ANXA2: variants seen among roughly 807,000 people sequenced by gnomAD.
ANXA2 encodes annexin II.
Under a neutral mutation model 47.3 loss-of-function variants are expected in ANXA2, and 28 were observed. That is an observed-to-expected ratio of 0.59 (90% CI 0.44 to 0.81). ANXA2 has a LOEUF of 0.81. Among genes scored for constraint, ANXA2 ranks in the 40% least tolerant of loss-of-function variants. ANXA2 has a pLI of 0.00. For missense variants in ANXA2, 384 were observed against 414.3 expected (o/e 0.93, Z 0.64); for synonymous variants, 172 against 155.5 (o/e 1.11, Z -0.79).
At chr15:60,364,887 C>G (rs111432331) in intron 3 of ANXA2, among the ~76,000 whole-genome samples, 2,150 of 151,336 alleles carry the variant, frequency 0.014, 54 homozygotes, top group African/African-American at 0.05. Context: ...TGAAGGTCCC[C>G]AAATTGCCAT....
chr15:60,363,095 T>G (rs1434333472), intron 4 of ANXA2: 2 of 140,492 alleles, frequency 1.4e-5, no homozygotes, highest in Non-Finnish European at 3.1e-5. Context: ...CACACCCAAA[T>G]GTATTCCAAG....
chr15:60,373,307 AG>A (rs1439181233), intron 3 of ANXA2, among the ~76,000 whole-genome samples: 1 of 152,252 alleles, frequency 6.6e-6, no homozygotes, highest in Non-Finnish European at 1.5e-5. Context: ...TTTCTTCAGC[AG>A]AAAGAGCTAG....
intron 1 of ANXA2, chr15:60,387,066 A>G (rs2062942901): frequency 6.6e-6 from 1 of 152,194 alleles, no homozygotes; most frequent in Non-Finnish European, 1.5e-5. Context: ...TAGTCTAAAT[A>G]TTTTCATAAA....
intron 4 of ANXA2, among the ~76,000 whole-genome samples, chr15:60,363,975 G>C (rs929513888): frequency 2.6e-5 from 4 of 152,178 alleles, no homozygotes; most frequent in Non-Finnish European, 5.9e-5. Context: ...GCCTGTTGTT[G>C]TTATTGTTGT....
At chr15:60,385,946 G>C in intron 2 of ANXA2, 82 bp downstream of exon 2, 1 of 895,490 alleles carries the variant, frequency 1.1e-6, no homozygotes, top group Admixed American at 2.4e-5. Context: ...TTCCTTAGAT[G>C]TACAAGGATA....
At chr15:60,374,682 C>G in intron 3 of ANXA2, 1 of 456,074 alleles carries the variant, frequency 2.2e-6, no homozygotes, top group Non-Finnish European at 4.4e-6. Context: ...AGGTCTGGCA[C>G]CTACATAGAT....
At position 60,356,127 on chromosome 15, in the gene ANXA2, T is replaced by C. The variant is rs566061447; in HGVS notation, c.449-129A>G. On this transcript the variant is annotated intron_variant, in intron 6 of 12. Transcript: ENST00000451270. ...CGTCAGCTGGACATATCCATTCTCC[T>C]TAACCCCAAACAGAGGAAGGATTCA... The C allele has an allele frequency of 7.1e-3, 4,801 of 673,334 alleles. 21 individuals are homozygous for C. Among genetic ancestry groups the C allele is most frequent in the Non-Finnish European group, 0.01 (3,844 of 380,792 alleles). 41.7% of individuals were successfully genotyped at this position (673,334 alleles called of 1,614,324 possible).
intron 12 of ANXA2, among the ~76,000 whole-genome samples, chr15:60,347,961 A>G (rs1189074040): frequency 6.6e-6 from 1 of 152,202 alleles, no homozygotes; most frequent in African/African-American, 2.4e-5. Flanking sequence ...CTGAGGATTG[A>G]CATAGGTTAG....
At chr15:60,351,645 T>C in intron 10 of ANXA2, 79 bp downstream of exon 10, 1 of 917,104 alleles carries the variant, frequency 1.1e-6, no homozygotes, top group Admixed American at 1.8e-5. Flanking sequence ...CCAAACACAT[T>C]TGGATTAACA....
chr15:60,352,206 T>A lies in ANXA2; in HGVS notation c.682+177A>T, dbSNP rs2062360440. 6.6e-6 allele frequency among the ~76,000 whole-genome samples: 1 copy of A among 152,120 alleles called. No homozygotes were observed. Among genetic ancestry groups the A allele is most frequent in the Non-Finnish European group, 1.5e-5 (1 of 68,022 alleles). ...ATAAAGCACCAAATGCAGAAACTAT[T>A]TGCAAGAGAAAAGAATCCAGAATGG... On this transcript the variant is annotated intron_variant, in intron 9 of 12. Transcript: ENST00000451270. This position sits in a 1 kb window ranked among gnomAD's most constrained non-coding sequence, Gnocchi z 4.2.
In ANXA2 at chr15:60,352,060, CCT is replaced by C. The variant is rs1367061762; in HGVS notation, c.683-243_683-242del. Among the ~76,000 whole-genome samples the C allele has an allele frequency of 2.6e-5, 4 of 152,268 alleles. No homozygotes were observed. The highest frequency in any genetic ancestry group is 4.1e-4 in the South Asian group (2 of 4,822). On this transcript the variant is annotated intron_variant, in intron 9 of 12. Transcript: ENST00000451270. The surrounding 1 kb of genome is among the most constrained non-coding windows in gnomAD (Gnocchi z 4.2). Reference sequence around the variant, plus strand: ...ACATATTTGGACCATCTCTATCTCCCCTGAGTGGAACCCATTCCATCCGAAAA... The same window carrying C: ...ACATATTTGGACCATCTCTATCTCCCGAGTGGAACCCATTCCATCCGAAAA...
At chr15:60,357,514 C>T (rs574379065) in intron 5 of ANXA2, among the ~76,000 whole-genome samples, 176 of 152,140 alleles carry the variant, frequency 1.2e-3, no homozygotes, top group Middle Eastern at 3.4e-3. Flanking sequence ...TGAATAGGGG[C>T]TGGGCACAGT....
At chr15:60,355,474 A>G (rs2062413165) in intron 7 of ANXA2, 1 of 275,240 alleles carries the variant, frequency 3.6e-6, no homozygotes, top group Non-Finnish European at 7.1e-6. Flanking sequence ...TAATGTGTTA[A>G]TATTAGCAAT....
chr15:60,397,834 CG>C, intron 1 of ANXA2, 108 bp downstream of exon 1: 1 of 1,380,184 alleles, frequency 7.2e-7, no homozygotes, highest in South Asian at 1.7e-5. Context: ...CGACGGCCTC[CG>C]GGGCCAGTTG....
chr15:60,354,244 C>T lies in ANXA2; in HGVS notation c.529-31G>A, dbSNP rs760644913. The stretch of plus-strand genomic sequence containing the variant: ...GGGGAAAGAAAAAGAACTTCAAATA[C>T]ATTTCTTTGTGTATTTTAAAACTGA... On this transcript the variant is annotated intron_variant, in intron 7 of 12. Transcript: ENST00000451270. 29 of 1,549,294 alleles carry T rather than the reference C, an allele frequency of 1.9e-5. No individual in the cohort carries two copies. The Admixed American group carries it at 4.7e-4, about 25-fold the overall frequency.
chr15:60,372,815 T>A (rs2062728353), intron 3 of ANXA2, among the ~76,000 whole-genome samples: 1 of 149,360 alleles, frequency 6.7e-6, no homozygotes, highest in Admixed American at 6.7e-5. Flanking sequence ...TGCCTCAACC[T>A]CCTGAGTAGC....
chr15:60,385,951 A>G (rs2062926836), intron 2 of ANXA2, 77 bp downstream of exon 2: 1 of 944,350 alleles, frequency 1.1e-6, no homozygotes, highest in Non-Finnish European at 1.6e-6. Flanking sequence ...TAGATGTACA[A>G]GGATAGAGAG....
At chr15:60,349,889 AGAAGGCAGGGAGGCAGGG>A (rs1566928322) in intron 11 of ANXA2, among the ~76,000 whole-genome samples, 12 of 39,942 alleles carry the variant, frequency 3.0e-4, no homozygotes, top group Admixed American at 6.5e-4. Context: ...AGGAGGCAGG[AGAAGGCAGGGAGGCAGGG>A]GAAGGCAGGG....
intron 3 of ANXA2, chr15:60,374,573 A>AAAAG (rs1272002316): frequency 2.2e-6 from 1 of 455,724 alleles, no homozygotes; most frequent in Non-Finnish European, 4.4e-6. Flanking sequence ...GTTTTTTAAA[A>AAAAG]AAAGAAAGAG....
Sources: gnomAD v4.1 joint callset for allele counts (sites outside exome capture counted in the v4.1 genomes callset) on GRCh38, gnomAD v4.1.1 for gene constraint, Gnocchi (gnomAD v3.1) non-coding constraint, MANE v1.5 for transcripts, NCBI Gene and HGNC (gene_info 2026-07-23, HGNC 2026-07-21) for gene names.